The following MCTP2 variants were observed in gnomAD, a reference collection of about 807,000 sequenced individuals.
MCTP2 encodes the protein multiple C2 and transmembrane domain containing 2, also known as multiple C2 and transmembrane domain-containing protein 2.
In MCTP2, 132 loss-of-function variants were observed where a neutral mutation model predicts 111.6. The observed-to-expected ratio is 1.18, with a 90% CI of 1.03 to 1.37. The LOEUF is 1.37. MCTP2 is among the 40% of genes most tolerant of loss of function. MCTP2 has a pLI of 0.00. For missense variants in MCTP2, 1,183 were observed against 1,067.9 expected (o/e 1.11, Z -1.50); for synonymous variants, 395 against 387.7 (o/e 1.02, Z -0.22).
intron 19 of MCTP2, among the ~76,000 whole-genome samples, chr15:94,443,913 A>G (rs1308472756): frequency 1.4e-5 from 2 of 138,218 alleles, no homozygotes; most frequent in Non-Finnish European, 3.1e-5. Context: ...GCGGTTTCTG[A>G]GTGATTAAGT....
intron 9 of MCTP2, among the ~76,000 whole-genome samples, chr15:94,357,708 C>T (rs532854387): frequency 1.4e-4 from 22 of 152,166 alleles, no homozygotes; most frequent in East Asian, 5.8e-4. Context: ...ATAGTTAGTA[C>T]GGGGATTTAA....
intron 21 of MCTP2, among the ~76,000 whole-genome samples, chr15:94,471,636 A>G (rs1034510748): frequency 1.2e-4 from 18 of 152,036 alleles, no homozygotes; most frequent in African/African-American, 3.6e-4. Flanking sequence ...TTCTTGGAGG[A>G]AAGTCTCATC....
chr15:94,346,882 G>C (rs543091685), intron 8 of MCTP2, among the ~76,000 whole-genome samples: 4 of 151,658 alleles, frequency 2.6e-5, no homozygotes, highest in South Asian at 4.2e-4. Context: ...CTTCAGAGTT[G>C]TGTCTTAGAA....
At position 94,277,248 on chromosome 15, in the gene MCTP2, T is replaced by C. The variant is rs940920123; in HGVS notation, c.-65-20953T>C. ...ATGGGCAAGATGCCTAGTAGGAAAA[T>C]TTAAAAATATAACTAACTGCTCATT... On this transcript the variant is annotated intron_variant, in intron 1 of 22. Transcript: ENST00000357742. 2.0e-5 allele frequency among the ~76,000 whole-genome samples: 3 copies of C among 152,086 alleles called. No individual in the cohort carries two copies. In the South Asian group the frequency reaches 6.2e-4, roughly 31 times the overall value.
Position 94,345,128 on chromosome 15 carries a change from G to A in MCTP2, c.970-1G>A. ...ACCATTCCGCGGACACAAATCTTTA[G>A]CGTTGGTCAAATCGGAAGCGATTAA... On this transcript the variant is annotated splice_acceptor_variant, in intron 7 of 22. Coordinates refer to ENST00000357742, the MANE Select transcript of MCTP2 (RefSeq NM_001385001.1). LOFTEE classifies it high-confidence loss of function. 6.2e-7 allele frequency: 1 copy of A among 1,612,578 alleles called. No individual in the cohort carries two copies. Among genetic ancestry groups the A allele is most frequent in the South Asian group, 1.1e-5 (1 of 91,026 alleles).
At chr15:94,273,471 AAT>A (rs1303836258) in intron 1 of MCTP2, 1 of 156,304 alleles carries the variant, frequency 6.4e-6, no homozygotes, top group Non-Finnish European at 1.4e-5. Flanking sequence ...GAAATCAGGA[AAT>A]ATATAGGAGC....
At position 94,340,924 on chromosome 15, in the gene MCTP2, C is replaced by T. The variant is rs141771978; in HGVS notation, c.969C>T (p.His323=). The T allele has an allele frequency of 1.1e-4, 179 of 1,565,684 alleles. No individual in the cohort carries two copies. Among genetic ancestry groups the T allele is most frequent in the Middle Eastern group, 1.7e-4 (1 of 5,980 alleles). Residue 323 remains histidine (H), a splice_region_variant and synonymous_variant, in exon 7 of 23, where the codon CAC becomes CAT. Coordinates refer to ENST00000357742, the MANE Select transcript of MCTP2 (RefSeq NM_001385001.1). ...TAAAACAGGGTGATTTCAAGAGACA[C>T]GTAAGTGGGACCTTCTATTCTTTTG... is the stretch of plus-strand genomic sequence containing the variant. ...LVVKQGDFKR[H]RWSNRKRLSA...
At chr15:94,317,781 C>CT (rs1555451235) in intron 4 of MCTP2, among the ~76,000 whole-genome samples, 3 of 151,972 alleles carry the variant, frequency 2.0e-5, no homozygotes, top group Non-Finnish European at 2.9e-5. Flanking sequence ...GAAGTATGTC[C>CT]TTTTTTTTCT....
intron 8 of MCTP2, among the ~76,000 whole-genome samples, chr15:94,353,857 A>G (rs1190547520): frequency 2.6e-5 from 4 of 152,214 alleles, no homozygotes; most frequent in African/African-American, 4.8e-5. Context: ...CAGTATATCG[A>G]TATCTATATA....
intron 4 of MCTP2, among the ~76,000 whole-genome samples, chr15:94,337,287 G>A (rs980941878): frequency 2.0e-5 from 3 of 151,874 alleles, no homozygotes; most frequent in South Asian, 2.1e-4. Flanking sequence ...CGCAACTGCC[G>A]CCATTCACCC....
Position 94,367,776 on chromosome 15 carries a change from G to C in MCTP2, c.1473G>C (p.Gln491His), listed in dbSNP as rs748609283. 4 of 1,601,832 alleles carry C rather than the reference G, an allele frequency of 2.5e-6. No individual in the cohort carries two copies. The highest frequency in any genetic ancestry group is 3.4e-6 in the Non-Finnish European group (4 of 1,174,818). Reference protein sequence around the residue: ...CPLADLSERKQITQRYCLQNS... With the variant: ...CPLADLSERKHITQRYCLQNS... Reference sequence around the variant, plus strand: ...TAGCAGACCTCAGCGAAAGAAAGCAGATTACCCAGCGATATGTGAGTGTTT... The same window carrying C: ...TAGCAGACCTCAGCGAAAGAAAGCACATTACCCAGCGATATGTGAGTGTTT... Residue 491 changes from glutamine (Q) to histidine (H), a missense_variant, in exon 11 of 23, where the codon CAG (glutamine) becomes CAC (histidine). Physicochemically the swap from Gln to His is conservative, Grantham distance 24. Coordinates refer to ENST00000357742, the MANE Select transcript of MCTP2 (RefSeq NM_001385001.1).
At chr15:94,276,096 G>A (rs908203372) in intron 1 of MCTP2, among the ~76,000 whole-genome samples, 7 of 152,134 alleles carry the variant, frequency 4.6e-5, no homozygotes, top group Admixed American at 6.5e-5. Context: ...CGCCCGCCTT[G>A]GCCTCCCAAA....
chr15:94,371,088 AT>A (rs1172453285), intron 12 of MCTP2, among the ~76,000 whole-genome samples: 1 of 151,968 alleles, frequency 6.6e-6, no homozygotes, highest in East Asian at 1.9e-4. Context: ...TTTTCAGCGC[AT>A]TATATTACAG....
intron 8 of MCTP2, among the ~76,000 whole-genome samples, chr15:94,353,085 C>T (rs1436330032): frequency 1.3e-5 from 2 of 152,204 alleles, no homozygotes; most frequent in Non-Finnish European, 1.5e-5. Flanking sequence ...ATAAATACTT[C>T]TCCTGCCCTC....
chr15:94,406,737 G>A (rs925996868), intron 17 of MCTP2, among the ~76,000 whole-genome samples: 1 of 151,936 alleles, frequency 6.6e-6, no homozygotes. Context: ...AGTCTGACTT[G>A]TTTTTCCCCA....
intron 17 of MCTP2, among the ~76,000 whole-genome samples, chr15:94,422,518 C>T (rs2082674094): frequency 6.6e-6 from 1 of 152,142 alleles, no homozygotes. Flanking sequence ...CAGAGTGAAA[C>T]TCTTCCTAAT....
At chr15:94,367,362 A>G (rs1353578013) in intron 10 of MCTP2, among the ~76,000 whole-genome samples, 1 of 151,672 alleles carries the variant, frequency 6.6e-6, no homozygotes, top group Non-Finnish European at 1.5e-5. Flanking sequence ...CTCTCTTTTC[A>G]TTTTCCATCT....
At chr15:94,412,613 A>G (rs981846306) in intron 17 of MCTP2, among the ~76,000 whole-genome samples, 1 of 152,080 alleles carries the variant, frequency 6.6e-6, no homozygotes, top group Non-Finnish European at 1.5e-5. Context: ...GCTCTTTATT[A>G]GGCTTTAGCG....
intron 21 of MCTP2, among the ~76,000 whole-genome samples, chr15:94,472,103 T>C (rs1428466774): frequency 6.6e-6 from 1 of 152,172 alleles, no homozygotes; most frequent in Non-Finnish European, 1.5e-5. Flanking sequence ...ACTGGCTGGG[T>C]GCAGTGGCTC....
Sources: gnomAD v4.1 joint callset for allele counts (sites outside exome capture counted in the v4.1 genomes callset) on GRCh38, gnomAD v4.1.1 for gene constraint, MANE v1.5 for transcripts, NCBI Gene and HGNC (gene_info 2026-07-23, HGNC 2026-07-21) for gene names.